Variants in CP observed in about 807,000 individuals in gnomAD.
CP encodes ceruloplasmin, also known as caeruloplasmin.
A neutral mutation model predicts 122.4 loss-of-function variants in CP; 64 were observed. That is an observed-to-expected ratio of 0.52 (90% CI 0.43 to 0.64). CP has a LOEUF of 0.64. Among genes scored for constraint, CP ranks in the 30% least tolerant of loss-of-function variants. The probability of loss-of-function intolerance (pLI) is 0.00; values close to 1 mark genes in which losing one functional copy is unlikely to be tolerated. For missense variants in CP, 1,167 were observed against 1,284.4 expected (o/e 0.91, Z 1.40); for synonymous variants, 440 against 436.4 (o/e 1.01, Z -0.10).
downstream of CP, chr3:149,172,319 C>CTCACACACAA: frequency 4.8e-6 from 1 of 208,604 alleles, no homozygotes; most frequent in Non-Finnish European, 8.9e-6. Context: ...TTTTATATAT[C>CTCACACACAA]ACACACACAC....
chr3:149,192,073 A>G lies in CP; in HGVS notation c.1714-3871T>C, dbSNP rs374952263. The stretch of plus-strand genomic sequence containing the variant: ...TTAAAATTGATCTAGAATAATGTAT[A>G]TGTGAGGGTATCTAAGAATAAAAAG... On this transcript the variant is annotated intron_variant, in intron 9 of 18. Transcript: ENST00000264613. Among the ~76,000 whole-genome samples the G allele has an allele frequency of 8.5e-5, 13 of 152,200 alleles. No homozygotes were observed. The South Asian group carries it at 1.2e-3, about 15-fold the overall frequency.
At chr3:149,162,950 T>C in intron 5 of CP, 1 of 1,229,686 alleles carries the variant, frequency 8.1e-7, no homozygotes, top group Non-Finnish European at 1.2e-6. Flanking sequence ...TTATTTTTAA[T>C]AACTTATTAT....
At chr3:149,215,338 T>TAAGACC (rs1728397503) in intron 1 of CP, among the ~76,000 whole-genome samples, 2 of 152,332 alleles carry the variant, frequency 1.3e-5, no homozygotes, top group South Asian at 2.1e-4. Flanking sequence ...AACAAATACC[T>TAAGACC]AAGACCAAGA....
rs1057119702 is a variant in CP, at chr3:149,212,952, C to G, written c.147-254G>C. On this transcript the variant is annotated intron_variant, in intron 1 of 18. Transcript: ENST00000264613. ...AAGGCATCATAGAAATGTAGTGCAT[C>G]TTACTGAAGTATTTTCTCCATGATT... is the stretch of plus-strand genomic sequence containing the variant. 2.0e-5 allele frequency among the ~76,000 whole-genome samples: 3 copies of G among 152,112 alleles called. No individual in the cohort carries two copies. In the East Asian group the frequency reaches 5.8e-4, roughly 29 times the overall value.
intron 8 of CP, 108 bp downstream of exon 8, chr3:149,199,604 G>A: frequency 7.9e-7 from 1 of 1,270,796 alleles, no homozygotes. Context: ...TGATATATGA[G>A]CGGTTTCCTT....
At chr3:149,171,057 A>G (rs1576715577), downstream of CP, among the ~76,000 whole-genome samples, 1 of 152,178 alleles carries the variant, frequency 6.6e-6, no homozygotes, top group Non-Finnish European at 1.5e-5. Flanking sequence ...AGGCAGGCGG[A>G]TCATGAGGTC....
At chr3:149,182,566 A>T (rs1725855527) in intron 13 of CP, among the ~76,000 whole-genome samples, 1 of 152,132 alleles carries the variant, frequency 6.6e-6, no homozygotes, top group African/African-American at 2.4e-5. Context: ...GTATGGGAAC[A>T]CAGTGGGGTG....
At chr3:149,200,938 G>A (rs989887108) in intron 7 of CP, among the ~76,000 whole-genome samples, 2 of 151,714 alleles carry the variant, frequency 1.3e-5, no homozygotes, top group African/African-American at 2.4e-5. Context: ...CTGAGTCACC[G>A]CTAGGAAAAA....
chr3:149,212,260 G>A (rs186396610), intron 2 of CP, among the ~76,000 whole-genome samples, 191 bp downstream of exon 2: 128 of 151,900 alleles, frequency 8.4e-4, no homozygotes, highest in Non-Finnish European at 1.7e-3. Flanking sequence ...GCAGTGATCC[G>A]AGGTCGTGCC....
At position 149,188,490 on chromosome 3, in the gene CP, C is replaced by CAAAAAA. The variant is rs60815739; in HGVS notation, c.1714-294_1714-289dup. Among the ~76,000 whole-genome samples, 342 of 46,062 alleles carry CAAAAAA rather than the reference C, an allele frequency of 7.4e-3. 21 individuals carry two copies. Among genetic ancestry groups the CAAAAAA allele is most frequent in the South Asian group, 0.033 (15 of 448 alleles). 30.2% of individuals were successfully genotyped at this position (46,062 alleles called of 152,430 possible). ...CATTGTGCATACCAATTGAAGCCTC[C>CAAAAAA]AAAAAAAAAAAAAAAAAAAAAAAAA... is the stretch of plus-strand genomic sequence containing the variant. On this transcript the variant is annotated intron_variant, in intron 9 of 18. Coordinates refer to ENST00000264613, the MANE Select transcript of CP (RefSeq NM_000096.4).
intron 5 of CP, among the ~76,000 whole-genome samples, 167 bp downstream of exon 5, chr3:149,207,196 T>C (rs550847112): frequency 2.0e-5 from 3 of 152,340 alleles, no homozygotes; most frequent in South Asian, 4.1e-4. Context: ...ATAATATTCC[T>C]GTCTTACAGT....
chr3:149,195,206 G>C (rs1403291400), intron 9 of CP, among the ~76,000 whole-genome samples: 1 of 152,196 alleles, frequency 6.6e-6, no homozygotes, highest in African/African-American at 2.4e-5. Flanking sequence ...TGGAAACACA[G>C]ATGATCTCAT....
At chr3:149,180,754 T>G (rs1400486773) in intron 14 of CP, among the ~76,000 whole-genome samples, 3 of 152,208 alleles carry the variant, frequency 2.0e-5, no homozygotes, top group Admixed American at 2.0e-4. Context: ...TATTACTGTC[T>G]GGCCATCTCT....
intron 17 of CP, 179 bp downstream of exon 17, chr3:149,177,660 TA>T: frequency 1.4e-6 from 1 of 699,532 alleles, no homozygotes; most frequent in Non-Finnish European, 2.4e-6. Flanking sequence ...TTAGTGGAAT[TA>T]TTTTTTCCTG....
intron 17 of CP, 141 bp downstream of exon 17, chr3:149,177,699 G>T: frequency 1.1e-6 from 1 of 899,160 alleles, no homozygotes. Flanking sequence ...ATTGAATCCT[G>T]GGTGGGGAAT....
rs182646586 is a variant in CP, at chr3:149,200,228, A to G, written c.1349-364T>C. On this transcript the variant is annotated intron_variant, in intron 7 of 18. Transcript: ENST00000264613. The stretch of plus-strand genomic sequence containing the variant: ...CAAGAGTTAGGTGCTATAAACTCTG[A>G]CCACCCAAAGCAGATAAGTTGAATT... Among the ~76,000 whole-genome samples, 95 of 152,326 alleles carry G rather than the reference A, an allele frequency of 6.2e-4. 1 individual carries two copies. The highest frequency in any genetic ancestry group is 2.2e-3 in the African/African-American group (93 of 41,578).
rs568274962 is a variant in CP, at chr3:149,193,799, G to A, written c.1713+4568C>T. ...GAAAGAATGCAACCCATCAAGATGCGTCAGTAGGGCAGGTATCATCTCCAT... is the reference window on the plus strand; with the variant it reads ...GAAAGAATGCAACCCATCAAGATGCATCAGTAGGGCAGGTATCATCTCCAT... On this transcript the variant is annotated intron_variant, in intron 9 of 18. Transcript: ENST00000264613. Among the ~76,000 whole-genome samples, 10 of 152,234 alleles carry A rather than the reference G, an allele frequency of 6.6e-5. No homozygotes were observed. The South Asian group carries it at 1.9e-3, about 28-fold the overall frequency.
intron 14 of CP, among the ~76,000 whole-genome samples, chr3:149,181,309 C>T (rs534917919): frequency 2.6e-5 from 4 of 152,254 alleles, no homozygotes; most frequent in African/African-American, 9.6e-5. Flanking sequence ...GGCCTAGAAT[C>T]AATTCGTGCA....
chr3:149,217,562 C>G (rs1416599792), intron 1 of CP, among the ~76,000 whole-genome samples: 1 of 152,104 alleles, frequency 6.6e-6, no homozygotes, highest in Non-Finnish European at 1.5e-5. Flanking sequence ...AAGTTTCCTC[C>G]CTGCCCAGAG....
Sources: gnomAD v4.1 joint callset for allele counts (sites outside exome capture counted in the v4.1 genomes callset) on GRCh38, gnomAD v4.1.1 for gene constraint, MANE v1.5 for transcripts, NCBI Gene and HGNC (gene_info 2026-07-23, HGNC 2026-07-21) for gene names.